Variants in FNBP1L observed in about 807,000 individuals in gnomAD.
The protein encoded by FNBP1L is formin-binding protein 1-like.
In FNBP1L, 36 loss-of-function variants were observed where a neutral mutation model predicts 91.2. The ratio of observed to expected loss-of-function variants is 0.39; its 90% CI spans 0.30 to 0.52. The LOEUF (loss-of-function observed/expected upper bound fraction) is 0.52. FNBP1L is among the 20% of genes least tolerant of loss of function. The pLI is 0.66. For missense variants in FNBP1L, 571 were observed against 732.1 expected (o/e 0.78, Z 2.54); for synonymous variants, 242 against 237.0 (o/e 1.02, Z -0.19).
chr1:93,495,924 G>A (rs1670245099), intron 1 of FNBP1L, among the ~76,000 whole-genome samples: 2 of 152,144 alleles, frequency 1.3e-5, no homozygotes, highest in South Asian at 2.1e-4. Flanking sequence ...TTGTTGTAAA[G>A]TCAGTGTTTT....
intron 1 of FNBP1L, among the ~76,000 whole-genome samples, chr1:93,475,995 T>A (rs1350451573): frequency 6.6e-6 from 1 of 152,146 alleles, no homozygotes; most frequent in Non-Finnish European, 1.5e-5. Flanking sequence ...TTTGGCCAGT[T>A]TTCTTGAGTT....
chr1:93,503,423 C>T (rs1670502290), intron 2 of FNBP1L, among the ~76,000 whole-genome samples: 1 of 152,120 alleles, frequency 6.6e-6, no homozygotes, highest in South Asian at 2.1e-4. Flanking sequence ...ACAGCCAAAT[C>T]ATATCAACTA....
intron 1 of FNBP1L, among the ~76,000 whole-genome samples, chr1:93,461,681 C>T (rs1668871190): frequency 6.6e-6 from 1 of 152,090 alleles, no homozygotes; most frequent in Non-Finnish European, 1.5e-5. Flanking sequence ...TGTACCTGAA[C>T]AAAATTAGGA....
At chr1:93,534,057 T>A (rs1481081643) in intron 8 of FNBP1L, among the ~76,000 whole-genome samples, 1 of 152,156 alleles carries the variant, frequency 6.6e-6, no homozygotes, top group Non-Finnish European at 1.5e-5. Context: ...GGTAGAGGTA[T>A]GTATGTCTAA....
rs147223365 is a variant in FNBP1L, at chr1:93,515,461, C to T, written c.141-6621C>T. ...AATCATGCTGCTATAAAGACACATGCACACGTATATTTATTGCGGCATTAT... is the reference window on the plus strand; with the variant it reads ...AATCATGCTGCTATAAAGACACATGTACACGTATATTTATTGCGGCATTAT... On this transcript the variant is annotated intron_variant, in intron 2 of 16. Coordinates refer to ENST00000271234, the MANE Select transcript of FNBP1L (RefSeq NM_001164473.3). 1.9e-3 allele frequency among the ~76,000 whole-genome samples: 290 copies of T among 152,196 alleles called. 1 individual carries two copies. Among genetic ancestry groups the T allele is most frequent in the African/African-American group, 6.7e-3 (278 of 41,530 alleles).
At chr1:93,458,440 A>G (rs1446753024) in intron 1 of FNBP1L, among the ~76,000 whole-genome samples, 1 of 152,184 alleles carries the variant, frequency 6.6e-6, no homozygotes, top group Non-Finnish European at 1.5e-5. Flanking sequence ...CAGAAGAATG[A>G]AACTAGACCT....
At chr1:93,497,619 T>C (rs769939799) in intron 1 of FNBP1L, among the ~76,000 whole-genome samples, 13 of 152,194 alleles carry the variant, frequency 8.5e-5, no homozygotes, top group Admixed American at 7.2e-4. Flanking sequence ...ATATTCTTAA[T>C]AATATATACA....
chr1:93,470,636 G>A (rs1372645913), intron 1 of FNBP1L, among the ~76,000 whole-genome samples: 2 of 151,976 alleles, frequency 1.3e-5, no homozygotes, highest in Admixed American at 1.3e-4. Flanking sequence ...ACTTTGGGAG[G>A]CCGAGGCGGG....
In FNBP1L at chr1:93,532,913, G is replaced by T; in HGVS notation, c.640-9G>T. On this transcript the variant is annotated splice_polypyrimidine_tract_variant and intron_variant, in intron 7 of 16. Coordinates refer to ENST00000271234, the MANE Select transcript of FNBP1L (RefSeq NM_001164473.3). ...GTTTTCTCTTTTTAAAAAAATTCTT[G>T]ATTATTAGCAACTACAAGAAATGGA... is the stretch of plus-strand genomic sequence containing the variant. 4 of 1,582,662 alleles carry T rather than the reference G, an allele frequency of 2.5e-6. No homozygotes were observed. The highest frequency in any genetic ancestry group is 3.4e-6 in the Non-Finnish European group (4 of 1,162,776).
rs531960834 is a variant in FNBP1L, at chr1:93,529,283, C to T, written c.406-369C>T. On this transcript the variant is annotated intron_variant, in intron 5 of 16. Coordinates refer to ENST00000271234, the MANE Select transcript of FNBP1L (RefSeq NM_001164473.3). ...ACTCAGTCATGCCTATGTTATTTTT[C>T]CTCATAGTCTGTAATTAATGTCTGA... 2.6e-3 allele frequency among the ~76,000 whole-genome samples: 402 copies of T among 151,934 alleles called. 1 individual carries two copies. Among genetic ancestry groups the T allele is most frequent in the Non-Finnish European group, 4.6e-3 (314 of 67,924 alleles).
chr1:93,482,402 A>C (rs1424979611), intron 1 of FNBP1L, among the ~76,000 whole-genome samples: 1 of 152,182 alleles, frequency 6.6e-6, no homozygotes, highest in Non-Finnish European at 1.5e-5. Flanking sequence ...TTAAAGGTCA[A>C]GTTAAGAATT....
At chr1:93,478,202 T>A (rs1240838715) in intron 1 of FNBP1L, among the ~76,000 whole-genome samples, 3 of 152,154 alleles carry the variant, frequency 2.0e-5, no homozygotes, top group Non-Finnish European at 4.4e-5. Flanking sequence ...TCAGCATGGT[T>A]GATGTCTTTG....
chr1:93,552,635 C>G lies in FNBP1L; in HGVS notation c.*219C>G, dbSNP rs1294708620. The G allele has an allele frequency of 6.9e-6, 3 of 432,670 alleles. No individual in the cohort carries two copies. The highest frequency in any genetic ancestry group is 8.1e-6 in the Non-Finnish European group (2 of 245,494). 26.8% of individuals were successfully genotyped at this position (432,670 alleles called of 1,614,324 possible). ...CTTAAGTTCCTAGTTCACAGTTATT[C>G]CCACAAAAGAAAAAGCCAACAATAG... is the stretch of plus-strand genomic sequence containing the variant. On this transcript the variant is annotated 3_prime_UTR_variant, in exon 17 of 17. Coordinates refer to ENST00000271234, the MANE Select transcript of FNBP1L (RefSeq NM_001164473.3).
At chr1:93,471,962 A>G (rs943358431) in intron 1 of FNBP1L, among the ~76,000 whole-genome samples, 3 of 152,130 alleles carry the variant, frequency 2.0e-5, no homozygotes, top group Admixed American at 6.6e-5. Context: ...TTCATTGATT[A>G]TTGTGATTCT....
chr1:93,549,361 A>T lies in FNBP1L; in HGVS notation c.1586A>T (p.Asp529Val). 1 of 1,612,848 alleles carries T rather than the reference A, an allele frequency of 6.2e-7. No individual in the cohort carries two copies. The highest frequency in any genetic ancestry group is 1.1e-5 in the South Asian group (1 of 90,938). Residue 529 changes from aspartate to valine, a missense_variant, in exon 15 of 17, where the codon GAT (aspartate) becomes GTT (valine). Asp to Val is a radical substitution (Grantham distance 152, BLOSUM62 -3). Coordinates refer to ENST00000271234, the MANE Select transcript of FNBP1L (RefSeq NM_001164473.3). ...QQHGHHNEFDDEFEDDDPLPA... is the reference protein window; with the variant it reads ...QQHGHHNEFDVEFEDDDPLPA... ...CATGGTCACCACAATGAGTTTGATG[A>T]TGAATTTGAGGATGATGATCCCTTG...
At chr1:93,449,367 C>T (rs1286818743) in intron 1 of FNBP1L, among the ~76,000 whole-genome samples, 3 of 152,160 alleles carry the variant, frequency 2.0e-5, no homozygotes, top group Non-Finnish European at 4.4e-5. Context: ...AGCCACTCCC[C>T]TTTTTATTCC....
Position 93,499,495 on chromosome 1 carries a change from A to T in FNBP1L, c.52A>T (p.Thr18Ser), listed in dbSNP as rs757565874. The change falls in exon 2 of 17, where the codon ACA becomes TCA. Residue 18 changes from threonine (T) to serine (S), a missense_variant. This residue lies in a region of FNBP1L where 220 missense variants were observed against 313.6 expected (regional missense o/e 0.70). Transcript: ENST00000271234. The part of the protein sequence containing the change: ...WDQFDSLDKH[T>S]QWGIDFLERY... ...TCAGTTCGACAGCTTAGACAAGCAT[A>T]CACAATGGGGAATTGACTTCTTGGA... The T allele has an allele frequency of 6.2e-7, 1 of 1,602,750 alleles. No homozygotes were observed. Among genetic ancestry groups the T allele is most frequent in the African/African-American group, 1.3e-5 (1 of 74,724 alleles).
chr1:93,485,180 T>C (rs1013838046), intron 1 of FNBP1L, among the ~76,000 whole-genome samples: 3 of 142,460 alleles, frequency 2.1e-5, no homozygotes, highest in Non-Finnish European at 3.0e-5. Flanking sequence ...GAAAGAAAGG[T>C]AGTAGGATCT....
At chr1:93,506,297 C>T (rs1452616568) in intron 2 of FNBP1L, among the ~76,000 whole-genome samples, 4 of 152,120 alleles carry the variant, frequency 2.6e-5, no homozygotes, top group African/African-American at 9.7e-5. Context: ...TCTTTTAGTG[C>T]AGACTGGCTT....
Sources: allele counts gnomAD v4.1 joint callset (sites outside exome capture counted in the v4.1 genomes callset), GRCh38; gene constraint gnomAD v4.1.1; regional missense constraint gnomAD v4.1.1; transcripts MANE v1.5; gene names NCBI Gene and HGNC (gene_info 2026-07-23, HGNC 2026-07-21).